Variants in PTPRT observed in about 807,000 individuals in gnomAD.
PTPRT encodes protein tyrosine phosphatase receptor type T, also known as receptor-type tyrosine-protein phosphatase T.
In PTPRT, 56 loss-of-function variants were observed where a neutral mutation model predicts 176.8. That is an observed-to-expected ratio of 0.32 (90% CI 0.26 to 0.40). The LOEUF (loss-of-function observed/expected upper bound fraction) is 0.40, where lower values mean the gene tolerates loss of function less well. Ranked by LOEUF, PTPRT falls within the 10% of genes least tolerant of loss-of-function variation. The pLI is 1.00. For missense variants in PTPRT, 1,540 were observed against 1,908.2 expected (o/e 0.81, Z 3.60); for synonymous variants, 783 against 739.0 (o/e 1.06, Z -0.96).
chr20:42,184,529 T>TTCTTCC (rs1164664002), intron 16 of PTPRT, among the ~76,000 whole-genome samples: 39 of 101,422 alleles, frequency 3.8e-4, no homozygotes, highest in African/African-American at 1.2e-3. Flanking sequence ...CTTCTTCTTC[T>TTCTTCC]TCTTCCTCTT....
chr20:42,869,342 C>T (rs1216049575), intron 2 of PTPRT, among the ~76,000 whole-genome samples: 1 of 152,086 alleles, frequency 6.6e-6, no homozygotes, highest in Non-Finnish European at 1.5e-5. Context: ...GTGGGGCACG[C>T]CCAGCAAAGC....
intron 8 of PTPRT, among the ~76,000 whole-genome samples, chr20:42,453,351 T>C (rs1258476548): frequency 6.6e-6 from 1 of 152,152 alleles, no homozygotes; most frequent in Non-Finnish European, 1.5e-5. Context: ...AAAAATGTTT[T>C]TCTTTTATTT....
At chr20:42,593,152 C>T (rs1055812878) in intron 7 of PTPRT, among the ~76,000 whole-genome samples, 5 of 152,136 alleles carry the variant, frequency 3.3e-5, no homozygotes, top group African/African-American at 7.2e-5. Flanking sequence ...GTCTCAACAC[C>T]GGCACAGTAA....
intron 7 of PTPRT, among the ~76,000 whole-genome samples, chr20:42,512,302 C>T (rs1229008053): frequency 6.6e-6 from 1 of 152,174 alleles, no homozygotes; most frequent in Non-Finnish European, 1.5e-5. Context: ...ACTTCCCACA[C>T]AACTCCTAAC....
chr20:42,978,348 C>T (rs987274536), intron 1 of PTPRT, among the ~76,000 whole-genome samples: 2 of 152,140 alleles, frequency 1.3e-5, no homozygotes, highest in African/African-American at 2.4e-5. Context: ...CAGGTGAATT[C>T]GGGTAACTGA....
intron 22 of PTPRT, among the ~76,000 whole-genome samples, chr20:42,110,840 A>G (rs373423334): frequency 6.6e-6 from 1 of 152,224 alleles, no homozygotes; most frequent in Admixed American, 6.5e-5. Flanking sequence ...TTGAGTACGG[A>G]TTTAAAGAAA....
intron 1 of PTPRT, among the ~76,000 whole-genome samples, chr20:43,147,794 T>A (rs931866688): frequency 1.3e-5 from 2 of 152,156 alleles, no homozygotes; most frequent in Non-Finnish European, 2.9e-5. Context: ...AAGGGCAGCT[T>A]CATTCATCGA....
At chr20:42,206,524 C>A (rs984215696) in intron 15 of PTPRT, among the ~76,000 whole-genome samples, 2 of 152,180 alleles carry the variant, frequency 1.3e-5, no homozygotes, top group African/African-American at 4.8e-5. Flanking sequence ...GGGTGACGGA[C>A]GGCACCTGGA....
intron 5 of PTPRT, among the ~76,000 whole-genome samples, chr20:42,765,705 A>G (rs1410259669): frequency 6.6e-6 from 1 of 151,718 alleles, no homozygotes; most frequent in African/African-American, 2.4e-5. Flanking sequence ...ATATATATTT[A>G]TATATTATGT....
the PTPRT span, among the ~76,000 whole-genome samples, chr20:42,041,634 C>A: frequency 6.6e-6 from 1 of 152,214 alleles, no homozygotes; most frequent in African/African-American, 2.4e-5. Flanking sequence ...CCCATGATGG[C>A]TTTCCATTGC....
intron 6 of PTPRT, among the ~76,000 whole-genome samples, chr20:42,692,932 G>A (rs1230072542): frequency 6.6e-6 from 1 of 152,168 alleles, no homozygotes; most frequent in East Asian, 1.9e-4. Flanking sequence ...GAAACATGAT[G>A]AAACTAGGTA....
chr20:42,305,770 A>G, intron 12 of PTPRT, among the ~76,000 whole-genome samples: 1 of 152,162 alleles, frequency 6.6e-6, no homozygotes, highest in East Asian at 1.9e-4. Context: ...GGGGAAACTG[A>G]GGTTTGGCAG....
chr20:42,111,779 T>G (rs1027569554), intron 22 of PTPRT, among the ~76,000 whole-genome samples: 2 of 152,220 alleles, frequency 1.3e-5, no homozygotes. Context: ...AAAGGGACCA[T>G]GTGAACCCTG....
chr20:42,863,220 T>C (rs1166105595), intron 2 of PTPRT, among the ~76,000 whole-genome samples: 1 of 152,178 alleles, frequency 6.6e-6, no homozygotes, highest in African/African-American at 2.4e-5. Context: ...TGTAGTTATA[T>C]TGGTAGAAAA....
intron 13 of PTPRT, among the ~76,000 whole-genome samples, chr20:42,252,684 G>A (rs2056566549): frequency 6.6e-6 from 1 of 152,196 alleles, no homozygotes; most frequent in Non-Finnish European, 1.5e-5. Flanking sequence ...TTTCCCAAAA[G>A]AATTCCAAGA....
chr20:42,259,543 G>A (rs1480440421), intron 13 of PTPRT, among the ~76,000 whole-genome samples: 2 of 152,314 alleles, frequency 1.3e-5, no homozygotes, highest in African/African-American at 2.4e-5. Context: ...AGACCCAGCT[G>A]GGGTAGAGAG....
intron 7 of PTPRT, among the ~76,000 whole-genome samples, chr20:42,612,553 G>A (rs1486475729): frequency 6.6e-6 from 1 of 152,044 alleles, no homozygotes; most frequent in Non-Finnish European, 1.5e-5. Context: ...TGGTGTAAAA[G>A]TAAATATTAG....
At chr20:42,923,881 G>A (rs1414635106) in intron 1 of PTPRT, among the ~76,000 whole-genome samples, 1 of 151,138 alleles carries the variant, frequency 6.6e-6, no homozygotes, top group South Asian at 2.1e-4. Context: ...TTGCTCTGTT[G>A]CCCAGCAGGC....
intron 1 of PTPRT, among the ~76,000 whole-genome samples, chr20:43,049,708 C>A (rs1986974547): frequency 6.6e-6 from 1 of 152,276 alleles, no homozygotes; most frequent in Admixed American, 6.5e-5. Flanking sequence ...GGGGAAATCA[C>A]TCCGACAAAT....
Sources: allele counts gnomAD v4.1 joint callset (sites outside exome capture counted in the v4.1 genomes callset), GRCh38; gene constraint gnomAD v4.1.1; transcripts MANE v1.5; gene names NCBI Gene and HGNC (gene_info 2026-07-23, HGNC 2026-07-21).